The following TFDP2 variants were observed in gnomAD, a reference collection of about 807,000 sequenced individuals.
TFDP2 encodes the protein transcription factor Dp-2.
Under a neutral mutation model 59.3 loss-of-function variants are expected in TFDP2, and 17 were observed. The observed-to-expected ratio is 0.29, with a 90% CI of 0.20 to 0.43. The LOEUF (loss-of-function observed/expected upper bound fraction) is 0.43, where lower values mean the gene tolerates loss of function less well. Ranked by LOEUF, TFDP2 falls within the 20% of genes least tolerant of loss-of-function variation. TFDP2 has a pLI of 1.00. For synonymous variants in TFDP2, 180 were observed against 194.7 expected, an observed-to-expected ratio of 0.92 and a Z score of 0.63; for missense variants, 391 against 528.8, an observed-to-expected ratio of 0.74 and a Z score of 2.56.
intron 3 of TFDP2, among the ~76,000 whole-genome samples, chr3:142,076,248 C>A (rs973178201): frequency 3.3e-5 from 5 of 151,620 alleles, no homozygotes; most frequent in Admixed American, 1.3e-4. Flanking sequence ...AAAGTTTTAT[C>A]CAGAATTTCT....
chr3:142,075,726 T>A (rs1282600883), intron 3 of TFDP2, among the ~76,000 whole-genome samples: 1 of 130,782 alleles, frequency 7.6e-6, no homozygotes, highest in Non-Finnish European at 1.6e-5. Flanking sequence ...CAAAGCCCTG[T>A]CTCTACAGAA....
chr3:142,069,074 C>T (rs1375980291), intron 3 of TFDP2, among the ~76,000 whole-genome samples: 1 of 152,000 alleles, frequency 6.6e-6, no homozygotes, highest in Non-Finnish European at 1.5e-5. Flanking sequence ...CACCACCATG[C>T]CTGGCTAATT....
chr3:142,080,276 G>A (rs1318632646), intron 3 of TFDP2, among the ~76,000 whole-genome samples: 1 of 152,058 alleles, frequency 6.6e-6, no homozygotes, highest in African/African-American at 2.4e-5. Flanking sequence ...GTTATCATCT[G>A]TTTAAAAAAT....
At position 142,116,114 on chromosome 3, in the gene TFDP2, G is replaced by T. The variant is rs183763019; in HGVS notation, c.-92-14273C>A. Among the ~76,000 whole-genome samples the T allele has an allele frequency of 8.6e-5, 13 of 151,716 alleles. No homozygotes were observed. In the East Asian group the frequency reaches 2.5e-3, roughly 29 times the overall value. On this transcript the variant is annotated intron_variant, in intron 1 of 12. Coordinates refer to ENST00000489671, the MANE Select transcript of TFDP2 (RefSeq NM_001178139.2). ...GGGTCTTGCTCTGTCACCCAGGCTGGAATGCAGTGGTGCAATCACAGCTCA... is the reference window on the plus strand; with the variant it reads ...GGGTCTTGCTCTGTCACCCAGGCTGTAATGCAGTGGTGCAATCACAGCTCA...
intron 3 of TFDP2, among the ~76,000 whole-genome samples, chr3:142,061,893 CACA>C (rs1560101298): frequency 2.9e-4 from 11 of 37,390 alleles, no homozygotes; most frequent in African/African-American, 5.3e-4. Flanking sequence ...TCTCTCTACA[CACA>C]CACACACACA....
chr3:142,093,024 AACTT>A lies in TFDP2; in HGVS notation c.82+33_82+36del, dbSNP rs2061049495. On this transcript the variant is annotated intron_variant, in intron 3 of 12. Coordinates refer to ENST00000489671, the MANE Select transcript of TFDP2 (RefSeq NM_001178139.2). ...TTTACAAAACAAATGCAATAAAACT[AACTT>A]AATTCAGAAAAATTTTATTCAATAA... 3.6e-6 allele frequency: 5 copies of A among 1,396,118 alleles called. No homozygotes were observed. The East Asian group carries it at 1.0e-4, about 28-fold the overall frequency. The allele number at this position is 1,396,118 out of a possible 1,614,324, so 86.5% of individuals were successfully genotyped here.
At chr3:142,025,335 T>A (rs1360466399) in intron 3 of TFDP2, among the ~76,000 whole-genome samples, 1 of 152,214 alleles carries the variant, frequency 6.6e-6, no homozygotes, top group Non-Finnish European at 1.5e-5. Flanking sequence ...TCCAAGATAA[T>A]TTACACATAC....
At chr3:141,968,847 G>GAT (rs1167056401) in intron 9 of TFDP2, among the ~76,000 whole-genome samples, 3 of 59,416 alleles carry the variant, frequency 5.0e-5, no homozygotes, top group East Asian at 7.5e-4. Context: ...CATATATATA[G>GAT]ATATATATAA....
Position 142,114,506 on chromosome 3 carries a change from G to A in TFDP2, c.-92-12665C>T, listed in dbSNP as rs146315612. ...TCCTCATCCACTTTATTTTTTTCAT[G>A]TACCATATATTGAAAATCCCTAACA... On this transcript the variant is annotated intron_variant, in intron 1 of 12. Coordinates refer to ENST00000489671, the MANE Select transcript of TFDP2 (RefSeq NM_001178139.2). Among the ~76,000 whole-genome samples the A allele has an allele frequency of 6.7e-3, 1,017 of 152,090 alleles. 17 individuals are homozygous for A. Among genetic ancestry groups the A allele is most frequent in the South Asian group, 0.04 (193 of 4,816 alleles).
At chr3:141,996,909 G>A (rs532920215) in intron 4 of TFDP2, among the ~76,000 whole-genome samples, 22 of 152,310 alleles carry the variant, frequency 1.4e-4, no homozygotes, top group African/African-American at 5.1e-4. Flanking sequence ...ACAGATGTCT[G>A]GAGAGTTCTG....
chr3:142,029,155 T>G (rs1159067788), intron 3 of TFDP2: 2 of 152,568 alleles, frequency 1.3e-5, no homozygotes, highest in Non-Finnish European at 2.9e-5. Context: ...CACCACGAGT[T>G]TCAGGGGGAA....
intron 3 of TFDP2, among the ~76,000 whole-genome samples, chr3:142,040,524 T>A (rs1317386361): frequency 6.6e-6 from 1 of 151,750 alleles, no homozygotes; most frequent in African/African-American, 2.4e-5. Context: ...GCCTCCTGGG[T>A]TCAAGCGATT....
intron 3 of TFDP2, among the ~76,000 whole-genome samples, chr3:142,023,818 T>C (rs1945858197): frequency 6.6e-6 from 1 of 151,968 alleles, no homozygotes; most frequent in Non-Finnish European, 1.5e-5. Flanking sequence ...TTTAAATTTT[T>C]TTTGAGACAG....
chr3:142,116,818 A>G (rs531944219), intron 1 of TFDP2, among the ~76,000 whole-genome samples: 12 of 152,134 alleles, frequency 7.9e-5, no homozygotes, highest in African/African-American at 2.9e-4. Flanking sequence ...TCTTTTTACT[A>G]ATTTTATATT....
intron 4 of TFDP2, among the ~76,000 whole-genome samples, chr3:141,995,543 A>G (rs1412904305): frequency 6.6e-6 from 1 of 152,218 alleles, no homozygotes; most frequent in Non-Finnish European, 1.5e-5. Flanking sequence ...ATACACAAAG[A>G]TACTATCCAG....
chr3:142,014,349 T>C (rs1944960801), intron 3 of TFDP2, among the ~76,000 whole-genome samples: 1 of 151,940 alleles, frequency 6.6e-6, no homozygotes. Flanking sequence ...GGGGTCTCAG[T>C]ATATTGCCCG....
intron 6 of TFDP2, among the ~76,000 whole-genome samples, chr3:141,989,893 AATT>A (rs1357180642): frequency 6.9e-6 from 1 of 145,492 alleles, no homozygotes; most frequent in African/African-American, 2.5e-5. Context: ...TAATAATAAT[AATT>A]ATTATTATTA....
intron 3 of TFDP2, among the ~76,000 whole-genome samples, chr3:142,024,429 T>G (rs1438118405): frequency 6.6e-6 from 1 of 152,148 alleles, no homozygotes; most frequent in Non-Finnish European, 1.5e-5. Context: ...GTCTACCTGC[T>G]CCTCAACAAT....
At chr3:142,021,919 A>G (rs1188499266) in intron 3 of TFDP2, among the ~76,000 whole-genome samples, 1 of 152,212 alleles carries the variant, frequency 6.6e-6, no homozygotes, top group East Asian at 1.9e-4. Context: ...TAGGTTTGAT[A>G]CTGCTGGTTT....
Sources: allele counts gnomAD v4.1 joint callset (sites outside exome capture counted in the v4.1 genomes callset), GRCh38; gene constraint gnomAD v4.1.1; transcripts MANE v1.5; gene names NCBI Gene and HGNC (gene_info 2026-07-23, HGNC 2026-07-21).